Variants in LRP1B observed in about 807,000 individuals in gnomAD.
LRP1B encodes low-density lipoprotein receptor-related protein 1B.
LRP1B carries 217 observed loss-of-function variants against 556.6 expected under a neutral mutation model. The ratio of observed to expected loss-of-function variants is 0.39; its 90% confidence interval spans 0.35 to 0.44. The LOEUF (loss-of-function observed/expected upper bound fraction) is 0.44. Among genes scored for constraint, LRP1B ranks in the 20% least tolerant of loss-of-function variants. LRP1B has a pLI of 1.00. For synonymous variants in LRP1B, 2,047 were observed against 1,865.8 expected, an observed-to-expected ratio of 1.10 and a Z score of -2.50; for missense variants, 5,053 against 5,620.8, an observed-to-expected ratio of 0.90 and a Z score of 3.23.
chr2:141,022,117 T>C (rs960187253), intron 11 of LRP1B, among the ~76,000 whole-genome samples: 10 of 151,698 alleles, frequency 6.6e-5, no homozygotes, highest in African/African-American at 2.4e-4. Context: ...ATATGTGATG[T>C]TCTTAATGGT....
At chr2:140,468,810 G>T (rs147322571) in intron 60 of LRP1B, among the ~76,000 whole-genome samples, 2 of 152,102 alleles carry the variant, frequency 1.3e-5, no homozygotes, top group African/African-American at 4.8e-5. Flanking sequence ...AATGTTTTCC[G>T]TTTTGGTTTT....
Position 140,769,248 on chromosome 2 carries a change from C to T in LRP1B, c.5723G>A (p.Gly1908Glu), listed in dbSNP as rs1176993925. 1.2e-6 allele frequency: 2 copies of T among 1,612,142 alleles called. No individual in the cohort carries two copies. The highest frequency in any genetic ancestry group is 1.7e-6 in the Non-Finnish European group (2 of 1,178,720). Residue 1908 changes from glycine to glutamate, a missense_variant, in exon 35 of 91, where the codon GGA (glycine) becomes GAA (glutamate). Around this residue, in one of 5 missense-constraint regions of LRP1B, gnomAD observed 3,619 missense variants for 3,931.9 expected, o/e 0.92. Coordinates refer to ENST00000389484, the MANE Select transcript of LRP1B (RefSeq NM_018557.3). ...DKMDALMPIS[G>E]TSFAVGIDFH... The stretch of plus-strand genomic sequence containing the variant: ...ATCTATTCCCACGGCAAATGAAGTT[C>T]CTGATATAGGCATCAAAGCATCCAT...
In LRP1B at chr2:141,319,648, T is replaced by C. The variant is rs185519648; in HGVS notation, c.344-65007A>G. The stretch of plus-strand genomic sequence containing the variant: ...CAATCAACTGTAACCAACATTGACT[T>C]TGGGGATTAGCCAAATTGTAGCATG... On this transcript the variant is annotated intron_variant, in intron 3 of 90. Transcript: ENST00000389484. 2.9e-4 allele frequency among the ~76,000 whole-genome samples: 44 copies of C among 152,182 alleles called. No individual in the cohort carries two copies. The Middle Eastern group carries it at 0.02, about 71-fold the overall frequency.
chr2:140,871,313 G>T (rs1171950524), intron 25 of LRP1B, among the ~76,000 whole-genome samples: 1 of 152,122 alleles, frequency 6.6e-6, no homozygotes, highest in Non-Finnish European at 1.5e-5. Context: ...ACAGAGAAAA[G>T]ATTTGTGTTT....
chr2:140,328,537 G>T (rs1275163247), intron 79 of LRP1B, among the ~76,000 whole-genome samples: 2 of 151,734 alleles, frequency 1.3e-5, no homozygotes, highest in Non-Finnish European at 2.9e-5. Flanking sequence ...GTATTAAGAG[G>T]CAGGACTTGG....
chr2:141,620,743 T>C (rs72978040), intron 2 of LRP1B, among the ~76,000 whole-genome samples: 4,610 of 152,248 alleles, frequency 0.03, 259 homozygotes, highest in African/African-American at 0.11. Context: ...TTTACCACTG[T>C]TTTGTTTTTT....
chr2:140,960,823 A>G (rs1696012797), intron 18 of LRP1B, among the ~76,000 whole-genome samples: 1 of 152,012 alleles, frequency 6.6e-6, no homozygotes, highest in African/African-American at 2.4e-5. Context: ...CAATATTCAA[A>G]GATCTATTTA....
At chr2:140,622,240 AT>A (rs1683483906) in intron 41 of LRP1B, among the ~76,000 whole-genome samples, 1 of 152,246 alleles carries the variant, frequency 6.6e-6, no homozygotes, top group African/African-American at 2.4e-5. Context: ...TGTACAACAT[AT>A]AATATTGGTT....
chr2:140,322,802 A>T (rs1680220083), intron 81 of LRP1B, among the ~76,000 whole-genome samples: 1 of 152,010 alleles, frequency 6.6e-6, no homozygotes, highest in Admixed American at 6.6e-5. Context: ...TGAGCTGGTG[A>T]CTATGAGAGT....
intron 2 of LRP1B, among the ~76,000 whole-genome samples, chr2:141,726,524 G>A (rs1693044151): frequency 6.6e-6 from 1 of 151,920 alleles, no homozygotes; most frequent in Admixed American, 6.6e-5. Flanking sequence ...GGGGTAACAT[G>A]TGAAGCCAAA....
intron 7 of LRP1B, among the ~76,000 whole-genome samples, chr2:141,145,409 G>A (rs1701756493): frequency 6.6e-6 from 1 of 151,716 alleles, no homozygotes; most frequent in Non-Finnish European, 1.5e-5. Flanking sequence ...AGATTACATT[G>A]CATATACTAT....
chr2:141,659,065 G>A (rs543743672), intron 2 of LRP1B, among the ~76,000 whole-genome samples: 4 of 152,078 alleles, frequency 2.6e-5, no homozygotes, highest in East Asian at 1.9e-4. Flanking sequence ...CACTATACCC[G>A]ACTAATTTTG....
chr2:140,752,252 A>G (rs1350070116), intron 35 of LRP1B, among the ~76,000 whole-genome samples: 1 of 151,972 alleles, frequency 6.6e-6, no homozygotes, highest in African/African-American at 2.4e-5. Flanking sequence ...CAAACAAACA[A>G]AACACTTAGC....
At chr2:140,685,614 G>A (rs72981809) in intron 41 of LRP1B, among the ~76,000 whole-genome samples, 6,959 of 152,056 alleles carry the variant, frequency 0.046, 230 homozygotes, top group African/African-American at 0.088. Context: ...CTTCCCTGAC[G>A]AACAGTTCTG....
intron 41 of LRP1B, among the ~76,000 whole-genome samples, chr2:140,649,201 G>A (rs1158063264): frequency 1.3e-5 from 2 of 152,026 alleles, no homozygotes; most frequent in African/African-American, 4.8e-5. Context: ...TCTCTATCCT[G>A]GTAGTGATTT....
At chr2:141,398,487 A>G (rs1395856219) in intron 3 of LRP1B, among the ~76,000 whole-genome samples, 1 of 152,170 alleles carries the variant, frequency 6.6e-6, no homozygotes, top group Non-Finnish European at 1.5e-5. Context: ...CAGAGTGGTG[A>G]AAGCCATTTT....
chr2:142,038,879 G>A (rs143279448), intron 1 of LRP1B, among the ~76,000 whole-genome samples: 87 of 151,650 alleles, frequency 5.7e-4, no homozygotes, highest in Non-Finnish European at 1.0e-3. Flanking sequence ...AGACTGGAGC[G>A]TAGTGGCCTT....
At chr2:141,865,348 T>G (rs1454251151) in intron 1 of LRP1B, among the ~76,000 whole-genome samples, 1 of 151,722 alleles carries the variant, frequency 6.6e-6, no homozygotes, top group Non-Finnish European at 1.5e-5. Flanking sequence ...ATCCCAGCAC[T>G]TTGGGAGGCC....
intron 3 of LRP1B, among the ~76,000 whole-genome samples, chr2:141,316,750 A>G (rs534647448): frequency 6.6e-6 from 1 of 152,300 alleles, no homozygotes; most frequent in East Asian, 1.9e-4. Flanking sequence ...CATTAAGTTG[A>G]CCATCTTTTG....
Sources: allele counts gnomAD v4.1 joint callset (sites outside exome capture counted in the v4.1 genomes callset), GRCh38; gene constraint gnomAD v4.1.1; regional missense constraint gnomAD v4.1.1; transcripts MANE v1.5; gene names NCBI Gene and HGNC (gene_info 2026-07-23, HGNC 2026-07-21).